The following MACROD2 variants were observed in gnomAD, a reference collection of about 807,000 sequenced individuals.
MACROD2 encodes the protein ADP-ribose glycohydrolase MACROD2.
A neutral mutation model predicts 70.4 loss-of-function variants in MACROD2; 36 were observed. The observed-to-expected ratio is 0.51, with a 90% CI of 0.39 to 0.68. The LOEUF (loss-of-function observed/expected upper bound fraction) is 0.68. MACROD2 is among the 30% of genes least tolerant of loss of function. The pLI is 0.00. For synonymous variants in MACROD2, 172 were observed against 178.8 expected (o/e 0.96, Z 0.30); for missense variants, 496 against 538.4 (o/e 0.92, Z 0.78).
chr20:14,704,584 C>T (rs1316819394), intron 5 of MACROD2, among the ~76,000 whole-genome samples: 2 of 152,138 alleles, frequency 1.3e-5, no homozygotes, highest in Non-Finnish European at 2.9e-5. Context: ...AGGAAGATAT[C>T]CACCTATTCA....
intron 3 of MACROD2, among the ~76,000 whole-genome samples, chr20:14,483,697 T>G (rs564646122): frequency 4.6e-5 from 7 of 152,330 alleles, no homozygotes; most frequent in African/African-American, 1.7e-4. Flanking sequence ...GGAGCCACCA[T>G]GCCCAGCCTA....
At chr20:14,953,399 T>C (rs1359109659) in intron 5 of MACROD2, among the ~76,000 whole-genome samples, 1 of 150,930 alleles carries the variant, frequency 6.6e-6, no homozygotes, top group East Asian at 2.0e-4. Flanking sequence ...CTCCGCCTCC[T>C]GGGTTCACGC....
At chr20:14,070,812 A>G (rs2053827662) in intron 2 of MACROD2, among the ~76,000 whole-genome samples, 1 of 152,196 alleles carries the variant, frequency 6.6e-6, no homozygotes, top group Non-Finnish European at 1.5e-5. Flanking sequence ...GGGGGAAAGT[A>G]AGAATTTGGA....
At chr20:14,303,893 G>A (rs987611427) in intron 3 of MACROD2, among the ~76,000 whole-genome samples, 7 of 151,974 alleles carry the variant, frequency 4.6e-5, no homozygotes, top group Non-Finnish European at 1.0e-4. Flanking sequence ...CTTGTGTCAT[G>A]GTATCTTCTA....
intron 5 of MACROD2, among the ~76,000 whole-genome samples, chr20:14,710,020 A>G (rs2071318913): frequency 6.6e-6 from 1 of 152,156 alleles, no homozygotes. Context: ...CTCCATGCAA[A>G]ATAGAAATAG....
chr20:15,766,885 G>A (rs1239833844), intron 8 of MACROD2, among the ~76,000 whole-genome samples: 3 of 152,170 alleles, frequency 2.0e-5, no homozygotes, highest in Non-Finnish European at 2.9e-5. Flanking sequence ...GGCTGGCCCA[G>A]GCTTGTTTTC....
chr20:15,885,014 CCTT>C (rs1374755386), intron 9 of MACROD2, among the ~76,000 whole-genome samples: 2 of 152,030 alleles, frequency 1.3e-5, no homozygotes, highest in African/African-American at 4.8e-5. Context: ...AAAGGCCTCA[CCTT>C]CTAATCACCA....
chr20:14,145,919 TG>T (rs2054936787), intron 3 of MACROD2, among the ~76,000 whole-genome samples: 1 of 152,236 alleles, frequency 6.6e-6, no homozygotes, highest in Non-Finnish European at 1.5e-5. Context: ...ATTAGTTTAT[TG>T]GAAGTCTGTT....
chr20:14,058,746 C>T (rs1396902040), intron 2 of MACROD2, among the ~76,000 whole-genome samples: 1 of 151,150 alleles, frequency 6.6e-6, no homozygotes, highest in Non-Finnish European at 1.5e-5. Context: ...CAGGTTCAAG[C>T]AATTCTTCTG....
intron 5 of MACROD2, among the ~76,000 whole-genome samples, chr20:14,691,340 C>A (rs1291364407): frequency 2.0e-5 from 3 of 152,210 alleles, no homozygotes; most frequent in African/African-American, 7.2e-5. Context: ...TACCTACCCT[C>A]TATTCCTTGG....
At chr20:15,703,329 C>T (rs1311445892) in intron 8 of MACROD2, among the ~76,000 whole-genome samples, 1 of 152,192 alleles carries the variant, frequency 6.6e-6, no homozygotes, top group African/African-American at 2.4e-5. Flanking sequence ...TGGACCTGCC[C>T]AGAATGGAGA....
At chr20:14,681,329 T>C (rs996346101) in intron 4 of MACROD2, among the ~76,000 whole-genome samples, 3 of 152,186 alleles carry the variant, frequency 2.0e-5, no homozygotes, top group African/African-American at 7.2e-5. Context: ...GATTGATTCA[T>C]AATAGCTAAA....
chr20:15,725,928 A>C (rs2050855963), intron 8 of MACROD2, among the ~76,000 whole-genome samples: 1 of 152,096 alleles, frequency 6.6e-6, no homozygotes, highest in Non-Finnish European at 1.5e-5. Context: ...TTACCTATCT[A>C]AAAATATATA....
chr20:15,844,232 G>A (rs2064204742), intron 8 of MACROD2, among the ~76,000 whole-genome samples: 1 of 152,050 alleles, frequency 6.6e-6, no homozygotes, highest in Admixed American at 6.6e-5. Flanking sequence ...CCTAGGAGGA[G>A]CAGGTCTGCC....
intron 5 of MACROD2, among the ~76,000 whole-genome samples, chr20:14,931,766 G>A (rs1249739396): frequency 1.3e-5 from 2 of 151,760 alleles, no homozygotes; most frequent in Non-Finnish European, 1.5e-5. Context: ...GGGAGGATGA[G>A]GTGGGAAGAT....
chr20:14,995,521 AT>A (rs1423592786), intron 5 of MACROD2, among the ~76,000 whole-genome samples: 32 of 152,186 alleles, frequency 2.1e-4, no homozygotes, highest in African/African-American at 4.8e-4. Context: ...ACCAAAAAAA[AT>A]AAAATAAAAT....
Position 15,431,455 on chromosome 20 carries a change from A to G in MACROD2, c.571+20A>G. 6.2e-7 allele frequency: 1 copy of G among 1,607,318 alleles called. No homozygotes were observed. Among genetic ancestry groups the G allele is most frequent in the Middle Eastern group, 1.7e-4 (1 of 6,026 alleles). ...TTTATGGTAAGTGATACAGCTTTTGATGATGTTTGTATTTCTTTATTTTGC... is the reference window on the plus strand; with the variant it reads ...TTTATGGTAAGTGATACAGCTTTTGGTGATGTTTGTATTTCTTTATTTTGC... On this transcript the variant is annotated intron_variant, in intron 7 of 17. Transcript: ENST00000684519.
chr20:14,109,646 G>T (rs1350094049), intron 3 of MACROD2, among the ~76,000 whole-genome samples: 1 of 151,794 alleles, frequency 6.6e-6, no homozygotes, highest in African/African-American at 2.4e-5. Context: ...GGAAAATATA[G>T]TTGGAAATGG....
At chr20:14,051,560 A>G (rs1482315348) in intron 2 of MACROD2, among the ~76,000 whole-genome samples, 5 of 152,220 alleles carry the variant, frequency 3.3e-5, no homozygotes, top group Non-Finnish European at 7.3e-5. Flanking sequence ...GAGAGATGAT[A>G]TAGATGGGGA....
Sources: gnomAD v4.1 joint callset for allele counts (sites outside exome capture counted in the v4.1 genomes callset) on GRCh38, gnomAD v4.1.1 for gene constraint, MANE v1.5 for transcripts, NCBI Gene and HGNC (gene_info 2026-07-23, HGNC 2026-07-21) for gene names.